The following ZFAT variants were observed in gnomAD, a reference collection of about 807,000 sequenced individuals.
The protein encoded by ZFAT is zinc finger protein ZFAT.
Under a neutral mutation model 117.7 loss-of-function variants are expected in ZFAT, and 64 were observed. That is an observed-to-expected ratio of 0.54 (90% confidence interval 0.44 to 0.67). The LOEUF (loss-of-function observed/expected upper bound fraction) is 0.67, where lower values mean the gene tolerates loss of function less well. Among genes scored for constraint, ZFAT ranks in the 30% least tolerant of loss-of-function variants. ZFAT has a pLI of 0.00. For missense variants in ZFAT, 1,433 were observed against 1,584.5 expected (o/e 0.90, Z 1.62); for synonymous variants, 679 against 615.0 (o/e 1.10, Z -1.54).
intron 12 of ZFAT, among the ~76,000 whole-genome samples, chr8:134,529,442 T>C (rs1821250495): frequency 1.3e-5 from 2 of 152,328 alleles, no homozygotes; most frequent in South Asian, 4.1e-4. Flanking sequence ...CGTGCATTTG[T>C]GTGGGAGAAT....
intron 1 of ZFAT, among the ~76,000 whole-genome samples, chr8:134,686,154 C>T (rs899320758): frequency 1.3e-5 from 2 of 152,242 alleles, no homozygotes; most frequent in African/African-American, 4.8e-5. Flanking sequence ...ACAGATTGGC[C>T]GCCACCTGGC....
intron 12 of ZFAT, among the ~76,000 whole-genome samples, chr8:134,522,453 C>T (rs1299896404): frequency 1.3e-5 from 2 of 152,236 alleles, no homozygotes; most frequent in South Asian, 2.1e-4. Context: ...TATCGGCCCT[C>T]GGGCCATCTC....
intron 1 of ZFAT, among the ~76,000 whole-genome samples, chr8:134,697,509 C>T (rs1358930898): frequency 2.0e-5 from 3 of 149,730 alleles, no homozygotes; most frequent in Admixed American, 2.0e-4. Context: ...GGGCGGATCA[C>T]GAAATCAGGA....
the ZFAT span, among the ~76,000 whole-genome samples, chr8:134,819,726 T>C: frequency 6.6e-6 from 1 of 152,148 alleles, no homozygotes; most frequent in Non-Finnish European, 1.5e-5. Context: ...AGGGGAGTTT[T>C]TGATTTCCTT....
intron 1 of ZFAT, among the ~76,000 whole-genome samples, chr8:134,696,858 C>G (rs1833867546): frequency 6.6e-6 from 1 of 152,190 alleles, no homozygotes; most frequent in South Asian, 2.1e-4. Flanking sequence ...TTGGACTCTA[C>G]GTATCTCTCT....
At chr8:134,542,202 C>T (rs551586971) in intron 11 of ZFAT, among the ~76,000 whole-genome samples, 2 of 152,230 alleles carry the variant, frequency 1.3e-5, no homozygotes, top group African/African-American at 4.8e-5. Flanking sequence ...GCAGATTTCC[C>T]TCAGGCAGCT....
At chr8:134,541,193 G>A (rs1822226199) in intron 11 of ZFAT, among the ~76,000 whole-genome samples, 3 of 152,210 alleles carry the variant, frequency 2.0e-5, no homozygotes, top group Non-Finnish European at 4.4e-5. Flanking sequence ...ACTGAGTATT[G>A]AGGGGTATTG....
upstream of ZFAT, chr8:134,713,101 C>CCCCGGCGCCGAGCGCGG (rs1175248160): frequency 4.3e-4 from 180 of 421,120 alleles, no homozygotes; most frequent in Middle Eastern, 2.0e-3. Flanking sequence ...GGTGACCCTC[C>CCCCGGCGCCGAGCGCGG]CCCGGCGCCG....
chr8:134,550,888 T>A (rs377735272), intron 11 of ZFAT, among the ~76,000 whole-genome samples: 2 of 151,706 alleles, frequency 1.3e-5, no homozygotes, highest in African/African-American at 4.8e-5. Flanking sequence ...CCATGTGTAA[T>A]CTCAGATTCC....
At chr8:134,533,540 C>T (rs1445018437) in intron 11 of ZFAT, among the ~76,000 whole-genome samples, 1 of 152,232 alleles carries the variant, frequency 6.6e-6, no homozygotes, top group Non-Finnish European at 1.5e-5. Context: ...TTTCTCAGAA[C>T]GTATCCCTGC....
the ZFAT span, among the ~76,000 whole-genome samples, chr8:134,761,924 T>G: frequency 3.3e-5 from 5 of 152,048 alleles, no homozygotes; most frequent in African/African-American, 1.2e-4. Flanking sequence ...CCCCTCCTCA[T>G]GTCTTCACAT....
At chr8:134,769,043 G>A in the ZFAT span, among the ~76,000 whole-genome samples, 1 of 152,132 alleles carries the variant, frequency 6.6e-6, no homozygotes, top group Non-Finnish European at 1.5e-5. Context: ...GTGGTGGGGT[G>A]TGCAATGTAG....
At chr8:134,503,963 T>C (rs906085285) in intron 15 of ZFAT, among the ~76,000 whole-genome samples, 3 of 146,364 alleles carry the variant, frequency 2.0e-5, no homozygotes, top group Admixed American at 6.9e-5. Context: ...CACACACCCC[T>C]ATGAGTTCTG....
rs551879666 is a variant in ZFAT, at chr8:134,597,330, G to A, written c.2475+3106C>T. On this transcript the variant is annotated intron_variant, in intron 7 of 15. Transcript: ENST00000377838. ...TAAATCATGCTATCTTACTATGTTG[G>A]CAATATGGTCCACCTGCTTCATGGA... 2.6e-5 allele frequency among the ~76,000 whole-genome samples: 4 copies of A among 152,248 alleles called. No homozygotes were observed. In the South Asian group the frequency reaches 8.3e-4, roughly 32 times the overall value.
At chr8:134,744,137 T>G in the ZFAT span, among the ~76,000 whole-genome samples, 1 of 152,190 alleles carries the variant, frequency 6.6e-6, no homozygotes, top group Non-Finnish European at 1.5e-5. Flanking sequence ...TAATGGGTAG[T>G]TGCTCTGCAT....
rs750882802 is a variant in ZFAT, at chr8:134,590,345, C to A, written c.2486G>T (p.Ser829Ile). 6.2e-7 allele frequency: 1 copy of A among 1,611,078 alleles called. No individual in the cohort carries two copies. Among genetic ancestry groups the A allele is most frequent in the Non-Finnish European group, 8.5e-7 (1 of 1,177,814 alleles). ...CTTTTCACAAACAGGACAAGAATAA[C>A]TCCTTTTGTCCTTAATAGAAAGAGA... is the stretch of plus-strand genomic sequence containing the variant. ...LKVHTALDKR[S>I]YSCPVCEKSF... is the part of the protein sequence containing the mutation. Residue 829 changes from serine (S) to isoleucine (I), a missense_variant, in exon 8 of 16, where the codon AGT becomes ATT. Ser to Ile is a moderately radical substitution (Grantham distance 142). This residue lies in a region of ZFAT where 503 missense variants were observed against 543.4 expected (regional missense o/e 0.93). Coordinates refer to ENST00000377838, the MANE Select transcript of ZFAT (RefSeq NM_020863.4).
chr8:134,740,651 A>G, the ZFAT span, among the ~76,000 whole-genome samples: 1 of 152,192 alleles, frequency 6.6e-6, no homozygotes, highest in African/African-American at 2.4e-5. Context: ...ACAAAGCACA[A>G]GGGCCGCTCA....
chr8:134,754,913 C>G, the ZFAT span, among the ~76,000 whole-genome samples: 8 of 152,120 alleles, frequency 5.3e-5, no homozygotes, highest in East Asian at 1.5e-3. Flanking sequence ...GGCCAACACA[C>G]GCAGTCAAAG....
chr8:134,576,832 G>C (rs1374575539), intron 10 of ZFAT, among the ~76,000 whole-genome samples: 2 of 152,198 alleles, frequency 1.3e-5, no homozygotes, highest in Non-Finnish European at 2.9e-5. Context: ...TATTACAAGA[G>C]TGCTTGAAGC....
Sources: gnomAD v4.1 joint callset for allele counts (sites outside exome capture counted in the v4.1 genomes callset) on GRCh38, gnomAD v4.1.1 for gene constraint, gnomAD v4.1.1 regional missense constraint, MANE v1.5 for transcripts, NCBI Gene and HGNC (gene_info 2026-07-23, HGNC 2026-07-21) for gene names.